The following ARHGEF10 variants were observed in gnomAD, a reference collection of about 807,000 sequenced individuals.
The protein encoded by ARHGEF10 is Rho guanine nucleotide exchange factor (GEF) 10.
Under a neutral mutation model 147.4 loss-of-function variants are expected in ARHGEF10, and 140 were observed. That is an observed-to-expected ratio of 0.95 (90% CI 0.83 to 1.09). The LOEUF (loss-of-function observed/expected upper bound fraction) is 1.09, where lower values mean the gene tolerates loss of function less well. ARHGEF10 is among the 50% of genes least tolerant of loss of function. The pLI, the probability that ARHGEF10 is intolerant of heterozygous loss-of-function variation, is 0.00. For missense variants in ARHGEF10, 2,222 were observed against 1,752.7 expected (o/e 1.27, Z -4.78); for synonymous variants, 902 against 695.8 (o/e 1.30, Z -4.67).
intron 18 of ARHGEF10, among the ~76,000 whole-genome samples, chr8:1,914,838 C>G (rs996107661): frequency 6.6e-6 from 1 of 152,150 alleles, no homozygotes; most frequent in African/African-American, 2.4e-5. Context: ...AACCCTTGAA[C>G]GAGTACTGAG....
intron 1 of ARHGEF10, among the ~76,000 whole-genome samples, chr8:1,834,461 T>C (rs1803461894): frequency 6.6e-6 from 1 of 152,120 alleles, no homozygotes; most frequent in Non-Finnish European, 1.5e-5. Context: ...CTGGGTGCCA[T>C]GCGCCCTGAG....
intron 2 of ARHGEF10, among the ~76,000 whole-genome samples, chr8:1,855,752 A>G (rs995376540): frequency 9.2e-5 from 14 of 152,098 alleles, no homozygotes; most frequent in African/African-American, 3.1e-4. Context: ...TTTCCGCAGC[A>G]CGTTTATTTG....
At chr8:1,836,877 G>T (rs1429895660) in intron 1 of ARHGEF10, among the ~76,000 whole-genome samples, 2 of 152,164 alleles carry the variant, frequency 1.3e-5, no homozygotes, top group African/African-American at 2.4e-5. Flanking sequence ...GATCTGATGG[G>T]TTTATCAGGG....
chr8:1,856,228 G>T (rs1160510965), intron 2 of ARHGEF10, among the ~76,000 whole-genome samples: 1 of 152,220 alleles, frequency 6.6e-6, no homozygotes, highest in African/African-American at 2.4e-5. Flanking sequence ...ACACATTTCT[G>T]AATCCTTTTT....
intron 4 of ARHGEF10, among the ~76,000 whole-genome samples, chr8:1,863,269 C>A (rs746397693): frequency 2.6e-5 from 4 of 152,204 alleles, no homozygotes; most frequent in East Asian, 1.9e-4. Flanking sequence ...TCCACCCCCC[C>A]AGCCCCTCGG....
At position 1,925,414 on chromosome 8, in the gene ARHGEF10, G is replaced by A; in HGVS notation, c.2610+10G>A. The A allele has an allele frequency of 6.2e-7, 1 of 1,613,846 alleles. No individual in the cohort carries two copies. The highest frequency in any genetic ancestry group is 1.1e-5 in the South Asian group (1 of 91,074). On this transcript the variant is annotated intron_variant, in intron 22 of 28. Coordinates refer to ENST00000349830, the MANE Select transcript of ARHGEF10 (RefSeq NM_014629.4). ...GCAGCAGGAGTTCAAGGTGAAGGGA[G>A]GCAGGGCCCGCGGCCCGGGGTGGGA...
At position 1,869,174 on chromosome 8, in the gene ARHGEF10, T is replaced by C. The variant is rs1806873986; in HGVS notation, c.623-20T>C. The C allele has an allele frequency of 6.2e-7, 1 of 1,610,122 alleles. No individual in the cohort carries two copies. Among genetic ancestry groups the C allele is most frequent in the Non-Finnish European group, 8.5e-7 (1 of 1,176,368 alleles). ...GTTTTGTTGGTCACTGTTTAAAGTG[T>C]TTCTCCCCGTTTATTGCAGATCCAG... On this transcript the variant is annotated intron_variant, in intron 6 of 28. Coordinates refer to ENST00000349830, the MANE Select transcript of ARHGEF10 (RefSeq NM_014629.4).
At chr8:1,839,701 G>A (rs1184170931) in intron 1 of ARHGEF10, among the ~76,000 whole-genome samples, 1 of 145,126 alleles carries the variant, frequency 6.9e-6, no homozygotes, top group Non-Finnish European at 1.5e-5. Context: ...TGTCCGGTGT[G>A]GGGACTGTCT....
In ARHGEF10 at chr8:1,937,374, C is replaced by T. The variant is rs1813700785; in HGVS notation, c.3222+3432C>T. Among the ~76,000 whole-genome samples, 1 of 152,154 alleles carries T rather than the reference C, an allele frequency of 6.6e-6. No homozygotes were observed. The highest frequency in any genetic ancestry group is 1.9e-4 in the East Asian group (1 of 5,188). The stretch of plus-strand genomic sequence containing the variant: ...AGTAATTGCGTATTTACAGAGGGAG[C>T]TCAGCCATATAGTATACGGTGATCT... On this transcript the variant is annotated intron_variant, in intron 26 of 28. Coordinates refer to ENST00000349830, the MANE Select transcript of ARHGEF10 (RefSeq NM_014629.4). The surrounding 1 kb of genome is among the most constrained non-coding windows in gnomAD (Gnocchi z 4.9).
At chr8:1,949,715 A>G (rs1190365781) in intron 27 of ARHGEF10, among the ~76,000 whole-genome samples, 1 of 152,138 alleles carries the variant, frequency 6.6e-6, no homozygotes, top group Admixed American at 6.6e-5. Context: ...ACCATGGACT[A>G]CACCGTAAGG....
At chr8:1,886,087 C>G (rs994835659) in intron 11 of ARHGEF10, among the ~76,000 whole-genome samples, 4 of 152,104 alleles carry the variant, frequency 2.6e-5, no homozygotes, top group African/African-American at 7.2e-5. Flanking sequence ...ATGTAGCTAC[C>G]TGAGACTGAG....
At chr8:1,919,361 A>AGG in intron 18 of ARHGEF10, among the ~76,000 whole-genome samples, 1 of 117,828 alleles carries the variant, frequency 8.5e-6, no homozygotes, top group South Asian at 2.9e-4. Context: ...TGTTCTGTCA[A>AGG]GTGATGAAGC....
In ARHGEF10 at chr8:1,894,495, C is replaced by T. The variant is rs372019177; in HGVS notation, c.1363C>T (p.Leu455=). The T allele has an allele frequency of 6.2e-7, 1 of 1,614,232 alleles. No homozygotes were observed. Among genetic ancestry groups the T allele is most frequent in the East Asian group, 2.2e-5 (1 of 44,878 alleles). The change falls in exon 13 of 29, where the codon CTA becomes TTA. Residue 455 remains leucine, a synonymous_variant. Coordinates refer to ENST00000349830, the MANE Select transcript of ARHGEF10 (RefSeq NM_014629.4). The part of the protein sequence containing the change: ...RVKEILQCHS[L]FQIALASRVS... ...CAAAGAGATCCTGCAGTGCCACTCGCTATTTCAGATCGCGCTGGCCAGCCG... is the reference window on the plus strand; with the variant it reads ...CAAAGAGATCCTGCAGTGCCACTCGTTATTTCAGATCGCGCTGGCCAGCCG...
intron 1 of ARHGEF10, among the ~76,000 whole-genome samples, chr8:1,829,456 C>T (rs1802960417): frequency 6.6e-6 from 1 of 152,224 alleles, no homozygotes; most frequent in African/African-American, 2.4e-5. Flanking sequence ...GGCCAGCCTG[C>T]TTGCTGCAGG....
In ARHGEF10 at chr8:1,928,290, T is replaced by G; in HGVS notation, c.2698-137T>G. 3 of 795,574 alleles carry G rather than the reference T, an allele frequency of 3.8e-6. 1 individual carries two copies. The South Asian group carries it at 4.5e-5, about 12-fold the overall frequency. 49.3% of individuals were successfully genotyped at this position (795,574 alleles called of 1,614,324 possible). ...GCTCTGTGAGCAATTGTTTAAGAAT[T>G]TTTTTTTATTTTTTTAAGTGTGTTG... On this transcript the variant is annotated intron_variant, in intron 23 of 28. Transcript: ENST00000349830.
intron 26 of ARHGEF10, among the ~76,000 whole-genome samples, chr8:1,940,069 A>G (rs1159816628): frequency 6.6e-6 from 1 of 152,214 alleles, no homozygotes; most frequent in Non-Finnish European, 1.5e-5. Flanking sequence ...GCGCTGGGTT[A>G]AAAACTCCAT....
At position 1,858,039 on chromosome 8, in the gene ARHGEF10, C is replaced by T. The variant is rs1805711998; in HGVS notation, c.117C>T (p.Ile39=). 10 of 1,613,968 alleles carry T rather than the reference C, an allele frequency of 6.2e-6. No homozygotes were observed. The highest frequency in any genetic ancestry group is 1.7e-5 in the Admixed American group (1 of 59,992). ...EQFDFDSGDE[I]PEADRQAPSA... ...TCGATTTTGACAGTGGAGATGAAAT[C>T]CCAGAAGCGGACAGACAGGCCCCAT... The change falls in exon 3 of 29, where the codon ATC becomes ATT. Residue 39 remains isoleucine, a synonymous_variant. Transcript: ENST00000349830.
At chr8:1,860,895 TGG>T (rs1239619401) in intron 4 of ARHGEF10, among the ~76,000 whole-genome samples, 1 of 151,410 alleles carries the variant, frequency 6.6e-6, no homozygotes, top group African/African-American at 2.4e-5. Context: ...GTGGTGGGGG[TGG>T]GAGAATTGCC....
At position 1,925,362 on chromosome 8, in the gene ARHGEF10, C is replaced by T. The variant is rs761162409; in HGVS notation, c.2568C>T (p.Val856=). ...HIKKEKHPLL[V]GHMPVMVAKQ... ...AAAAGGAGAAGCATCCTCTCCTCGT[C>T]GGACACATGCCCGTGATGGTGGCCA... Residue 856 remains valine (V), a synonymous_variant, in exon 22 of 29, where the codon GTC becomes GTT. Coordinates refer to ENST00000349830, the MANE Select transcript of ARHGEF10 (RefSeq NM_014629.4). 15 of 1,614,062 alleles carry T rather than the reference C, an allele frequency of 9.3e-6. No individual in the cohort carries two copies. Among genetic ancestry groups the T allele is most frequent in the Middle Eastern group, 3.3e-4 (2 of 6,080 alleles).
Sources: gnomAD v4.1 joint callset for allele counts (sites outside exome capture counted in the v4.1 genomes callset) on GRCh38, gnomAD v4.1.1 for gene constraint, Gnocchi (gnomAD v3.1) non-coding constraint, MANE v1.5 for transcripts, NCBI Gene and HGNC (gene_info 2026-07-23, HGNC 2026-07-21) for gene names.